Variants in TTC27 observed in about 807,000 individuals in gnomAD.
TTC27 encodes the protein tetratricopeptide repeat domain 27, also known as tetratricopeptide repeat protein 27.
A neutral mutation model predicts 115.9 loss-of-function variants in TTC27; 79 were observed. That is an observed-to-expected ratio of 0.68 (90% CI 0.57 to 0.82). The LOEUF (loss-of-function observed/expected upper bound fraction) is 0.82, where lower values mean the gene tolerates loss of function less well. Ranked by LOEUF, TTC27 falls within the 40% of genes least tolerant of loss-of-function variation. TTC27 has a pLI of 0.00. For missense variants in TTC27, 1,054 were observed against 993.1 expected, an observed-to-expected ratio of 1.06 and a Z score of -0.82; for synonymous variants, 401 against 356.0, an observed-to-expected ratio of 1.13 and a Z score of -1.42.
intron 16 of TTC27, among the ~76,000 whole-genome samples, chr2:32,807,190 T>G (rs1436000974): frequency 6.6e-6 from 1 of 152,184 alleles, no homozygotes; most frequent in Non-Finnish European, 1.5e-5. Flanking sequence ...TTTGCCAATC[T>G]TTAGATGTAT....
chr2:32,661,674 C>G (rs1161419926), intron 5 of TTC27, among the ~76,000 whole-genome samples: 2 of 152,102 alleles, frequency 1.3e-5, no homozygotes, highest in Non-Finnish European at 2.9e-5. Flanking sequence ...TGGGCTGAGA[C>G]GATGGGGTTT....
intron 16 of TTC27, among the ~76,000 whole-genome samples, chr2:32,788,442 C>A (rs142517341): frequency 7.8e-4 from 119 of 152,288 alleles, no homozygotes; most frequent in African/African-American, 2.8e-3. Flanking sequence ...CAGGGGACTT[C>A]TTCAAGCTGT....
At chr2:32,644,042 G>T (rs1011464429) in intron 4 of TTC27, among the ~76,000 whole-genome samples, 5 of 151,894 alleles carry the variant, frequency 3.3e-5, no homozygotes, top group African/African-American at 1.2e-4. Flanking sequence ...TTAGCCGGGT[G>T]TAATGGCGGG....
intron 15 of TTC27, among the ~76,000 whole-genome samples, chr2:32,785,840 ATCC>A (rs1346335566): frequency 3.9e-5 from 6 of 152,056 alleles, no homozygotes; most frequent in African/African-American, 1.4e-4. Flanking sequence ...GTGATCCACC[ATCC>A]TCAGCCTCCC....
intron 7 of TTC27, among the ~76,000 whole-genome samples, chr2:32,667,627 G>A (rs1051165408): frequency 1.3e-5 from 2 of 151,188 alleles, no homozygotes; most frequent in African/African-American, 4.9e-5. Flanking sequence ...TGTTGGTCAG[G>A]CTGGTCTCGA....
intron 12 of TTC27, among the ~76,000 whole-genome samples, chr2:32,749,604 G>A (rs935771125): frequency 6.6e-6 from 1 of 152,186 alleles, no homozygotes; most frequent in Admixed American, 6.5e-5. Flanking sequence ...TGGTTATTTT[G>A]TAGTGGAGGG....
At position 32,803,737 on chromosome 2, in the gene TTC27, C is replaced by T. The variant is rs186063898; in HGVS notation, c.1999-7287C>T. Among the ~76,000 whole-genome samples the T allele has an allele frequency of 2.2e-4, 34 of 152,142 alleles. No homozygotes were observed. The East Asian group carries it at 3.3e-3, about 15-fold the overall frequency. ...ATAAGAAAAAAATGTAGGCCGGGCA[C>T]GGTGGCTCATGCCTGTAATCCCAGC... On this transcript the variant is annotated intron_variant, in intron 16 of 19. Coordinates refer to ENST00000317907, the MANE Select transcript of TTC27 (RefSeq NM_017735.5).
chr2:32,770,710 T>A lies in TTC27; in HGVS notation c.1681-7172T>A, dbSNP rs117022716. Among the ~76,000 whole-genome samples, 529 of 152,352 alleles carry A rather than the reference T, an allele frequency of 3.5e-3. 13 individuals carry two copies. The East Asian group carries it at 0.077, about 22-fold the overall frequency. On this transcript the variant is annotated intron_variant, in intron 13 of 19. Coordinates refer to ENST00000317907, the MANE Select transcript of TTC27 (RefSeq NM_017735.5). Reference sequence around the variant, plus strand: ...ACCAGACTTCTATGATACAGTACTCTGACATTTTAATCATCTTAGCGGTTT... The same window carrying A: ...ACCAGACTTCTATGATACAGTACTCAGACATTTTAATCATCTTAGCGGTTT...
rs1332053830 is a variant in TTC27, at chr2:32,755,341, G to C, written c.1453-2951G>C. On this transcript the variant is annotated intron_variant, in intron 12 of 19. Transcript: ENST00000317907. Reference sequence around the variant, plus strand: ...TCCTTCTGCAATCCCGGCACCTCGGGAGGCCAAGGCTGGCGGATCACTCGC... The same window carrying C: ...TCCTTCTGCAATCCCGGCACCTCGGCAGGCCAAGGCTGGCGGATCACTCGC... Among the ~76,000 whole-genome samples, 3 of 152,344 alleles carry C rather than the reference G, an allele frequency of 2.0e-5. No homozygotes were observed. In the East Asian group the frequency reaches 5.8e-4, roughly 29 times the overall value.
intron 14 of TTC27, chr2:32,780,053 G>A (rs998968135): frequency 2.2e-6 from 1 of 462,686 alleles, no homozygotes. Flanking sequence ...ATTGACTATA[G>A]GTCTGTGCAT....
intron 5 of TTC27, among the ~76,000 whole-genome samples, chr2:32,659,355 CTTT>C (rs78014491): frequency 3.4e-5 from 4 of 118,254 alleles, no homozygotes; most frequent in Non-Finnish European, 5.1e-5. Flanking sequence ...GGTGTTACCT[CTTT>C]TTTTTTTTTT....
At position 32,758,302 on chromosome 2, in the gene TTC27, T is replaced by C. The variant is rs367810445; in HGVS notation, c.1463T>C (p.Ile488Thr). ...RAGQHGKAEE[I>T]LRQELEKKET... Reference sequence around the variant, plus strand: ...TTCTGTTGTTTCTAGGCAGAAGAAATCCTTAGACAAGAGCTGGAGAAAAAA... The same window carrying C: ...TTCTGTTGTTTCTAGGCAGAAGAAACCCTTAGACAAGAGCTGGAGAAAAAA... The change falls in exon 13 of 20, where the codon ATC (isoleucine) becomes ACC (threonine). Residue 488 changes from isoleucine to threonine, a missense_variant. By Grantham distance (89) the Ile-to-Thr change is moderately conservative. Coordinates refer to ENST00000317907, the MANE Select transcript of TTC27 (RefSeq NM_017735.5). 2 of 1,613,890 alleles carry C rather than the reference T, an allele frequency of 1.2e-6. No homozygotes were observed. Among genetic ancestry groups the C allele is most frequent in the Non-Finnish European group, 1.7e-6 (2 of 1,179,968 alleles).
Position 32,665,845 on chromosome 2 carries a change from C to T in TTC27, c.806-790C>T, listed in dbSNP as rs564622655. The stretch of plus-strand genomic sequence containing the variant: ...GTCGGAGGTTGCAGTGAGCTGAGAT[C>T]GCACCACTGCACTATAGCCTGGCAA... On this transcript the variant is annotated intron_variant, in intron 6 of 19. Coordinates refer to ENST00000317907, the MANE Select transcript of TTC27 (RefSeq NM_017735.5). 7.2e-5 allele frequency among the ~76,000 whole-genome samples: 11 copies of T among 152,196 alleles called. No individual in the cohort carries two copies. The South Asian group carries it at 8.3e-4, about 11-fold the overall frequency.
chr2:32,816,388 G>A (rs1671502570), intron 18 of TTC27, among the ~76,000 whole-genome samples: 1 of 151,954 alleles, frequency 6.6e-6, no homozygotes, highest in Non-Finnish European at 1.5e-5. Context: ...TAATCCTTGC[G>A]CTGTTTAGTG....
chr2:32,690,136 GAA>G (rs781138268), intron 9 of TTC27, among the ~76,000 whole-genome samples: 3 of 152,036 alleles, frequency 2.0e-5, no homozygotes, highest in Non-Finnish European at 2.9e-5. Flanking sequence ...CAATGATGAA[GAA>G]AAAAACATGG....
At chr2:32,770,823 C>T (rs186198177) in intron 13 of TTC27, among the ~76,000 whole-genome samples, 42 of 152,168 alleles carry the variant, frequency 2.8e-4, no homozygotes, top group Middle Eastern at 3.4e-3. Context: ...GGATTTATAT[C>T]GTTTCTGTTT....
At chr2:32,724,643 A>T (rs148951109) in intron 10 of TTC27, among the ~76,000 whole-genome samples, 13 of 152,328 alleles carry the variant, frequency 8.5e-5, no homozygotes, top group African/African-American at 3.1e-4. Flanking sequence ...CTAAAGTACA[A>T]TGGTTGTCTC....
chr2:32,820,308 A>G (rs1386160990), intron 19 of TTC27, among the ~76,000 whole-genome samples: 2 of 152,202 alleles, frequency 1.3e-5, no homozygotes, highest in Admixed American at 6.5e-5. Flanking sequence ...TAAACCTCCC[A>G]AGGCAATTCC....
chr2:32,807,173 C>G (rs906637400), intron 16 of TTC27, among the ~76,000 whole-genome samples: 4 of 152,006 alleles, frequency 2.6e-5, no homozygotes. Flanking sequence ...TCATTTTTTT[C>G]TTCTTCTTTG....
Sources: allele counts gnomAD v4.1 joint callset (sites outside exome capture counted in the v4.1 genomes callset), GRCh38; gene constraint gnomAD v4.1.1; transcripts MANE v1.5; gene names NCBI Gene and HGNC (gene_info 2026-07-23, HGNC 2026-07-21).